Variants in LRRC8A observed in about 807,000 individuals in gnomAD.
LRRC8A encodes the protein leucine rich repeat containing 8 VRAC subunit A, also known as volume-regulated anion channel subunit LRRC8A.
A neutral mutation model predicts 52.5 loss-of-function variants in LRRC8A; 24 were observed. The observed-to-expected ratio is 0.46, with a 90% CI of 0.33 to 0.64. The LOEUF is 0.64. LRRC8A is among the 30% of genes least tolerant of loss of function. The pLI, the probability that LRRC8A is intolerant of heterozygous loss-of-function variation, is 0.02. For missense variants in LRRC8A, 677 were observed against 1,094.7 expected, an observed-to-expected ratio of 0.62 and a Z score of 5.38; for synonymous variants, 492 against 494.2, an observed-to-expected ratio of 1.00 and a Z score of 0.06.
rs1163153937 is a variant in LRRC8A, at chr9:128,908,268, C to A, written c.1104C>A (p.Val368=). Reference sequence around the variant, plus strand: ...GCAGCTACAGCGACATCCCCGACGTCAAGAACGACTTCGCCTTCATGCTGC... The same window carrying A: ...GCAGCTACAGCGACATCCCCGACGTAAAGAACGACTTCGCCTTCATGCTGC... The part of the protein sequence containing the change: ...EESSYSDIPD[V]KNDFAFMLHL... The change falls in exon 3 of 4, where the codon GTC becomes GTA. Residue 368 remains valine (V), a synonymous_variant. Transcript: ENST00000372600. The A allele has an allele frequency of 6.2e-7, 1 of 1,614,042 alleles. No homozygotes were observed. Among genetic ancestry groups the A allele is most frequent in the Non-Finnish European group, 8.5e-7 (1 of 1,180,050 alleles).
In LRRC8A at chr9:128,907,367, C is replaced by T. The variant is rs147311433; in HGVS notation, c.203C>T (p.Ser68Leu). The T allele has an allele frequency of 1.3e-5, 21 of 1,613,560 alleles. No homozygotes were observed. The highest frequency in any genetic ancestry group is 2.2e-5 in the East Asian group (1 of 44,896). ...KWVTKDSCND[S>L]FRGWAAPGPE... ...GTCACCAAGGACTCCTGCAATGATT[C>T]GTTCCGGGGCTGGGCAGCCCCTGGC... The change falls in exon 3 of 4, where the codon TCG (serine) becomes TTG (leucine). Residue 68 changes from serine (S) to leucine (L), a missense_variant. Ser to Leu is a moderately radical substitution (Grantham distance 145). Coordinates refer to ENST00000372600, the MANE Select transcript of LRRC8A (RefSeq NM_019594.4). The surrounding 1 kb of genome is among the most constrained non-coding windows in gnomAD (Gnocchi z 9.3).
Position 128,899,577 on chromosome 9 carries a change from AG to A in LRRC8A, c.-8-7578del, listed in dbSNP as rs890076406. ...CCTTAAAAAAAAAAGCCTTAACAAA[AG>A]GACATTCTCATATGTGTTAGAACGT... On this transcript the variant is annotated intron_variant, in intron 2 of 3. Transcript: ENST00000372600. This position sits in a 1 kb window ranked among gnomAD's most constrained non-coding sequence, Gnocchi z 4.0. 3.3e-5 allele frequency among the ~76,000 whole-genome samples: 5 copies of A among 152,124 alleles called. No individual in the cohort carries two copies. Among genetic ancestry groups the A allele is most frequent in the African/African-American group, 1.2e-4 (5 of 41,416 alleles).
rs1300685411 is a variant in LRRC8A, at chr9:128,899,380, G to A, written c.-8-7777G>A. Among the ~76,000 whole-genome samples the A allele has an allele frequency of 6.6e-6, 1 of 152,086 alleles. No homozygotes were observed. Among genetic ancestry groups the A allele is most frequent in the Non-Finnish European group, 1.5e-5 (1 of 68,004 alleles). ...CTGACCACACCCAGGTGCACCCCAA[G>A]AAGGGCTCTCGGTGGGGTCTGCTCC... On this transcript the variant is annotated intron_variant, in intron 2 of 3. Transcript: ENST00000372600. This position sits in a 1 kb window ranked among gnomAD's most constrained non-coding sequence, Gnocchi z 4.0.
intron 2 of LRRC8A, among the ~76,000 whole-genome samples, chr9:128,905,970 A>T (rs1840230945): frequency 6.6e-6 from 1 of 152,254 alleles, no homozygotes; most frequent in South Asian, 2.1e-4. Context: ...ATGATTTTAC[A>T]TTAAGGCCTC....
intron 3 of LRRC8A, among the ~76,000 whole-genome samples, chr9:128,910,649 C>G (rs1840475940): frequency 6.6e-6 from 1 of 152,094 alleles, no homozygotes; most frequent in Non-Finnish European, 1.5e-5. Context: ...ATGGTTGTAC[C>G]ACTGTACTTC....
At chr9:128,882,588 A>C (rs1839116775) in intron 1 of LRRC8A, 1 of 395,628 alleles carries the variant, frequency 2.5e-6, no homozygotes, top group Non-Finnish European at 4.4e-6. Flanking sequence ...ACCCCTCCAC[A>C]CACACTCTCC....
chr9:128,904,543 A>G (rs1840157286), intron 2 of LRRC8A, among the ~76,000 whole-genome samples: 1 of 151,930 alleles, frequency 6.6e-6, no homozygotes, highest in South Asian at 2.1e-4. Flanking sequence ...ATAAAAGCAC[A>G]ATTTATTCTA....
At position 128,917,460 on chromosome 9, in the gene LRRC8A, C is replaced by G. The variant is rs1460803507; in HGVS notation, c.*1089C>G. On this transcript the variant is annotated 3_prime_UTR_variant, in exon 4 of 4. Transcript: ENST00000372600. ...GGCTAATCCCCGGATGAACGGTGCT[C>G]CATTCGCACCTCCCCTCCTCGTGCC... 6.6e-6 allele frequency: 1 copy of G among 152,642 alleles called. No homozygotes were observed. Among genetic ancestry groups the G allele is most frequent in the Non-Finnish European group, 1.5e-5 (1 of 68,074 alleles). The allele number at this position is 152,642 out of a possible 1,614,324, so 9.5% of individuals were successfully genotyped here.
intron 2 of LRRC8A, among the ~76,000 whole-genome samples, chr9:128,891,751 T>A (rs993792352): frequency 6.6e-6 from 1 of 152,052 alleles, no homozygotes; most frequent in African/African-American, 2.4e-5. Flanking sequence ...ATGTACCCCC[T>A]AAGGAAAAGA....
At chr9:128,885,676 G>A (rs1326089138) in intron 1 of LRRC8A, among the ~76,000 whole-genome samples, 2 of 152,198 alleles carry the variant, frequency 1.3e-5, no homozygotes, top group Admixed American at 6.5e-5. Context: ...GGGAGGCCGA[G>A]GCGGGCAGAT....
At chr9:128,909,361 G>C in intron 3 of LRRC8A, 40 bp downstream of exon 3, 1 of 1,587,932 alleles carries the variant, frequency 6.3e-7, no homozygotes, top group Non-Finnish European at 8.6e-7. Context: ...GGGCTGGCGG[G>C]TGGCCTGGCC....
rs1216724320 is a variant in LRRC8A, at chr9:128,917,087, T to G, written c.*716T>G. On this transcript the variant is annotated 3_prime_UTR_variant, in exon 4 of 4. Coordinates refer to ENST00000372600, the MANE Select transcript of LRRC8A (RefSeq NM_019594.4). ...TTAAAAAAAAAGCTTTGAAAATGGATGGTTTGGGTATTAAAAAGAAAAAAA... is the reference window on the plus strand; with the variant it reads ...TTAAAAAAAAAGCTTTGAAAATGGAGGGTTTGGGTATTAAAAAGAAAAAAA... 1 of 139,138 alleles carries G rather than the reference T, an allele frequency of 7.2e-6. No individual in the cohort carries two copies. Among genetic ancestry groups the G allele is most frequent in the Admixed American group, 7.3e-5 (1 of 13,754 alleles). 8.6% of individuals were successfully genotyped at this position (139,138 alleles called of 1,614,324 possible). A position where few individuals can be genotyped will look rare whatever the true frequency, so the allele number is the denominator to read the frequency against.
rs938577648 is a variant in LRRC8A at position 128,882,263 on chromosome 9, G to T, written c.-116+13G>T. 1 of 152,846 alleles carries T rather than the reference G, an allele frequency of 6.5e-6. No individual in the cohort carries two copies. The highest frequency in any genetic ancestry group is 1.9e-4 in the East Asian group (1 of 5,188). 9.5% of individuals were successfully genotyped at this position (152,846 alleles called of 1,614,324 possible). On this transcript the variant is annotated intron_variant, in intron 1 of 3. Transcript: ENST00000372600. The stretch of plus-strand genomic sequence containing the variant: ...GCGGCGAGCCCAGGTGAGTGGACGG[G>T]GTGGGGAAAGGGGCGCGAGCTGTCA...
intron 3 of LRRC8A, among the ~76,000 whole-genome samples, chr9:128,914,669 C>T (rs975618330): frequency 2.6e-5 from 4 of 152,222 alleles, no homozygotes; most frequent in African/African-American, 9.6e-5. Flanking sequence ...GCTGCTGTGC[C>T]ATCTCCCCAT....
intron 3 of LRRC8A, among the ~76,000 whole-genome samples, chr9:128,913,198 T>C (rs1272481531): frequency 6.6e-6 from 1 of 151,676 alleles, no homozygotes; most frequent in African/African-American, 2.4e-5. Context: ...ACTGGTGACT[T>C]TGGCCAGAGA....
chr9:128,907,287 C>CG lies in LRRC8A; in HGVS notation c.129dup (p.Thr44AspfsTer15). The CG allele has an allele frequency of 6.2e-7, 1 of 1,614,006 alleles. No individual in the cohort carries two copies. On this transcript the variant is annotated frameshift_variant, in exon 3 of 4. Transcript: ENST00000372600. LOFTEE classifies it high-confidence loss of function. This position sits in a 1 kb window ranked among gnomAD's most constrained non-coding sequence, Gnocchi z 9.3. ...TCGTCATGCTGATGATTGCCGTCTT[C>CG]GGGGGGACGCTGCAGGTCACCCAAG...
chr9:128,899,321 C>T lies in LRRC8A; in HGVS notation c.-8-7836C>T, dbSNP rs759489632. Among the ~76,000 whole-genome samples the T allele has an allele frequency of 2.6e-5, 4 of 152,028 alleles. No homozygotes were observed. Among genetic ancestry groups the T allele is most frequent in the Non-Finnish European group, 5.9e-5 (4 of 68,002 alleles). On this transcript the variant is annotated intron_variant, in intron 2 of 3. Coordinates refer to ENST00000372600, the MANE Select transcript of LRRC8A (RefSeq NM_019594.4). This position sits in a 1 kb window ranked among gnomAD's most constrained non-coding sequence, Gnocchi z 4.0. ...AGATAGCCCAGCCACCCCCACCCCA[C>T]GCCTCAAAGGCTCCCTTCCCTTCCG...
In LRRC8A at chr9:128,917,482, T is replaced by C. The variant is rs1490560474; in HGVS notation, c.*1111T>C. On this transcript the variant is annotated 3_prime_UTR_variant, in exon 4 of 4. Coordinates refer to ENST00000372600, the MANE Select transcript of LRRC8A (RefSeq NM_019594.4). ...GCTCCATTCGCACCTCCCCTCCTCG[T>C]GCCTGCCCTGCCTCTCCACGCACAG... The C allele has an allele frequency of 1.3e-5, 2 of 152,740 alleles. No individual in the cohort carries two copies. The highest frequency in any genetic ancestry group is 4.8e-5 in the African/African-American group (2 of 41,472). 9.5% of individuals were successfully genotyped at this position (152,740 alleles called of 1,614,324 possible).
At chr9:128,914,825 G>T (rs746189378) in intron 3 of LRRC8A, among the ~76,000 whole-genome samples, 12 of 152,218 alleles carry the variant, frequency 7.9e-5, no homozygotes, top group Non-Finnish European at 1.5e-4. Context: ...CTGATTCCTC[G>T]CAGCAGGGCA....
Sources: allele counts gnomAD v4.1 joint callset (sites outside exome capture counted in the v4.1 genomes callset), GRCh38; gene constraint gnomAD v4.1.1; non-coding constraint Gnocchi (gnomAD v3.1); transcripts MANE v1.5; gene names NCBI Gene and HGNC (gene_info 2026-07-23, HGNC 2026-07-21).